PARP15: variants seen among roughly 807,000 people sequenced by gnomAD.
PARP15 encodes protein mono-ADP-ribosyltransferase PARP15.
PARP15 carries 50 observed loss-of-function variants against 62.1 expected under a neutral mutation model. The observed-to-expected ratio is 0.81, with a 90% CI of 0.64 to 1.02. PARP15 has a LOEUF of 1.02. Ranked by LOEUF, PARP15 falls within the 50% of genes least tolerant of loss-of-function variation. The pLI is 0.00. For synonymous variants in PARP15, 309 were observed against 293.1 expected, an observed-to-expected ratio of 1.05 and a Z score of -0.55; for missense variants, 820 against 826.5, an observed-to-expected ratio of 0.99 and a Z score of 0.10.
At chr3:122,593,417 C>T (rs1034788347) in intron 1 of PARP15, among the ~76,000 whole-genome samples, 3 of 152,114 alleles carry the variant, frequency 2.0e-5, no homozygotes, top group African/African-American at 7.2e-5. Flanking sequence ...GTTGGGATTA[C>T]AGGCATGAGC....
chr3:122,578,584 T>C (rs1176639815), intron 1 of PARP15, among the ~76,000 whole-genome samples: 1 of 150,532 alleles, frequency 6.6e-6, no homozygotes, highest in Non-Finnish European at 1.5e-5. Context: ...TTTCATCCAT[T>C]GACCCGTTTA....
intron 2 of PARP15, among the ~76,000 whole-genome samples, chr3:122,608,217 T>C (rs1006715544): frequency 1.3e-4 from 18 of 136,970 alleles, no homozygotes; most frequent in East Asian, 3.9e-4. Context: ...TCTTTTCTTT[T>C]TTTTTTTTTT....
intron 2 of PARP15, among the ~76,000 whole-genome samples, chr3:122,608,213 C>CTTT (rs71136576): frequency 5.6e-4 from 64 of 113,898 alleles, no homozygotes; most frequent in African/African-American, 9.2e-4. Context: ...TTTCTCTTTT[C>CTTT]TTTTTTTTTT....
At chr3:122,603,027 A>G (rs1305728287) in intron 1 of PARP15, among the ~76,000 whole-genome samples, 1 of 151,870 alleles carries the variant, frequency 6.6e-6, no homozygotes, top group East Asian at 1.9e-4. Context: ...AATGATGACT[A>G]CCCTTTATTT....
chr3:122,581,007 A>G (rs2080791979), intron 1 of PARP15, among the ~76,000 whole-genome samples: 1 of 152,214 alleles, frequency 6.6e-6, no homozygotes, highest in Admixed American at 6.5e-5. Flanking sequence ...GTATGTTAAC[A>G]TGCTGTATAG....
intron 10 of PARP15, 106 bp from the exon 11 acceptor site, chr3:122,634,914 C>T (rs1373210862): frequency 8.6e-7 from 1 of 1,163,028 alleles, no homozygotes; most frequent in African/African-American, 1.6e-5. Flanking sequence ...ACCAAATTCT[C>T]TTCCTCTTCC....
Position 122,606,513 on chromosome 3 carries a change from C to T in PARP15, c.306+458C>T, listed in dbSNP as rs187450937. On this transcript the variant is annotated intron_variant, in intron 2 of 11. Coordinates refer to ENST00000464300, the MANE Select transcript of PARP15 (RefSeq NM_001113523.3). ...GTTACCAGAAGAGGTGCTAAATCCT[C>T]AGCCTGGCTCCTGCCTACCCCTCCT... Among the ~76,000 whole-genome samples, 5 of 152,314 alleles carry T rather than the reference C, an allele frequency of 3.3e-5. No individual in the cohort carries two copies. In the East Asian group the frequency reaches 9.6e-4, roughly 29 times the overall value.
rs748049256 is a variant in PARP15 at position 122,617,035 on chromosome 3, A to G, written c.871A>G (p.Lys291Glu). ...TTCAGGTGTGGTCGGGACTGTCTCTAAGCCTTGTTTCACAGCATATGAAAT... is the reference window on the plus strand; with the variant it reads ...TTCAGGTGTGGTCGGGACTGTCTCTGAGCCTTGTTTCACAGCATATGAAAT... ...DTQGVVGTVS[K>E]PCFTAYEMKI... The change falls in exon 6 of 12, where the codon AAG (lysine) becomes GAG (glutamate). Residue 291 changes from lysine to glutamate, a missense_variant. By Grantham distance (56) the Lys-to-Glu change is moderately conservative. Transcript: ENST00000464300. 1.9e-6 allele frequency: 3 copies of G among 1,614,158 alleles called. No individual in the cohort carries two copies. Among genetic ancestry groups the G allele is most frequent in the South Asian group, 2.2e-5 (2 of 91,078 alleles).
Position 122,605,975 on chromosome 3 carries a change from A to G in PARP15, c.226A>G (p.Ile76Val), listed in dbSNP as rs756788870. 1.4e-5 allele frequency: 22 copies of G among 1,551,746 alleles called. No homozygotes were observed. Among genetic ancestry groups the G allele is most frequent in the African/African-American group, 1.2e-4 (9 of 73,044 alleles). Residue 76 changes from isoleucine (I) to valine (V), a missense_variant, in exon 2 of 12, where the codon ATC becomes GTC. Ile to Val is a conservative substitution (Grantham distance 29). Around this residue, in one of 3 missense-constraint regions of PARP15, gnomAD observed 731 missense variants for 727.7 expected, o/e 1.00. Transcript: ENST00000464300. ...NKFSKKDCLS[I>V]RNVVASIQTK... ...GTTCAGCAAGAAAGATTGTCTTTCA[A>G]TCAGGAATGTTGTAGCTTCAATCCA...
intron 1 of PARP15, among the ~76,000 whole-genome samples, chr3:122,578,179 T>TG (rs927238428): frequency 7.2e-5 from 11 of 152,042 alleles, no homozygotes; most frequent in Non-Finnish European, 1.3e-4. Flanking sequence ...AGTTTGCTTA[T>TG]GGGGGGCTTT....
intron 1 of PARP15, among the ~76,000 whole-genome samples, chr3:122,583,276 T>G (rs997307696): frequency 9.9e-6 from 1 of 100,550 alleles, no homozygotes; most frequent in African/African-American, 3.7e-5. Context: ...CCTGCCACCA[T>G]GCCTGGCTAG....
chr3:122,623,140 G>A (rs752506688), intron 8 of PARP15, among the ~76,000 whole-genome samples: 3 of 152,290 alleles, frequency 2.0e-5, no homozygotes, highest in Non-Finnish European at 2.9e-5. Context: ...CAGGGGGAAC[G>A]TGCTGCAGGC....
intron 1 of PARP15, among the ~76,000 whole-genome samples, chr3:122,581,728 C>A: frequency 6.6e-6 from 1 of 152,246 alleles, no homozygotes; most frequent in Middle Eastern, 3.4e-3. Flanking sequence ...CTTTGCTATG[C>A]GGTTTTTTGC....
At chr3:122,588,649 CTG>C (rs1559927319) in intron 1 of PARP15, among the ~76,000 whole-genome samples, 1 of 152,118 alleles carries the variant, frequency 6.6e-6, no homozygotes, top group African/African-American at 2.4e-5. Context: ...CAGAGCAAGA[CTG>C]TCTCTAAAAA....
At chr3:122,623,103 CG>C (rs748026283) in intron 8 of PARP15, among the ~76,000 whole-genome samples, 10 of 152,154 alleles carry the variant, frequency 6.6e-5, no homozygotes, top group Non-Finnish European at 8.8e-5. Flanking sequence ...CTTTTGCTAT[CG>C]GCGGTAATGA....
chr3:122,621,143 T>C (rs6763440), intron 7 of PARP15, among the ~76,000 whole-genome samples: 10,503 of 152,206 alleles, frequency 0.069, 1,092 homozygotes, highest in African/African-American at 0.23. Context: ...GGCTGTTTCA[T>C]GTGTGTAATG....
Position 122,611,861 on chromosome 3 carries a change from T to A in PARP15, c.543+1131T>A, listed in dbSNP as rs374452107. On this transcript the variant is annotated intron_variant, in intron 3 of 11. Transcript: ENST00000464300. ...TCCCGAGTAGCTAGGATTATAGGCA[T>A]GTGCCACTACACCTGGCTAATTTTG... 2.0e-5 allele frequency among the ~76,000 whole-genome samples: 3 copies of A among 150,908 alleles called. No homozygotes were observed. In the East Asian group the frequency reaches 5.9e-4, roughly 30 times the overall value.
At chr3:122,612,503 C>G (rs1341521742) in intron 3 of PARP15, among the ~76,000 whole-genome samples, 8 of 151,910 alleles carry the variant, frequency 5.3e-5, no homozygotes, top group Non-Finnish European at 1.2e-4. Context: ...GTGGCGCAAT[C>G]TTGGCTCACT....
intron 4 of PARP15, 51 bp downstream of exon 4, chr3:122,613,319 A>C (rs1935710935): frequency 2.9e-6 from 4 of 1,403,380 alleles, no homozygotes; most frequent in South Asian, 1.2e-5. Flanking sequence ...ACCCAAGCGC[A>C]TTCAGATGTT....
Sources: allele counts gnomAD v4.1 joint callset (sites outside exome capture counted in the v4.1 genomes callset), GRCh38; gene constraint gnomAD v4.1.1; regional missense constraint gnomAD v4.1.1; transcripts MANE v1.5; gene names NCBI Gene and HGNC (gene_info 2026-07-23, HGNC 2026-07-21).